DCC: variants seen among roughly 807,000 people sequenced by gnomAD.
The protein encoded by DCC is DCC netrin 1 receptor, also known as netrin receptor DCC.
In DCC, 58 loss-of-function variants were observed where a neutral mutation model predicts 172.5. The ratio of observed to expected loss-of-function variants is 0.34; its 90% CI spans 0.27 to 0.42. DCC has a LOEUF of 0.42. Among genes scored for constraint, DCC ranks in the 10% least tolerant of loss-of-function variants. DCC has a pLI of 1.00. For synonymous variants in DCC, 709 were observed against 644.5 expected, an observed-to-expected ratio of 1.10 and a Z score of -1.52; for missense variants, 1,740 against 1,791.0, an observed-to-expected ratio of 0.97 and a Z score of 0.51.
intron 12 of DCC, among the ~76,000 whole-genome samples, chr18:53,280,852 C>T (rs1434318754): frequency 2.0e-5 from 3 of 151,120 alleles, no homozygotes; most frequent in African/African-American, 7.4e-5. Flanking sequence ...TATGAAATTA[C>T]CATTTTTGTA....
chr18:52,806,569 G>C (rs2038088320), intron 2 of DCC, among the ~76,000 whole-genome samples: 1 of 152,182 alleles, frequency 6.6e-6, no homozygotes, highest in South Asian at 2.1e-4. Flanking sequence ...CAGTCTGTAA[G>C]AGCCAGAACT....
chr18:53,048,163 G>A (rs1227835709), intron 5 of DCC, among the ~76,000 whole-genome samples: 1 of 151,716 alleles, frequency 6.6e-6, no homozygotes, highest in African/African-American at 2.4e-5. Flanking sequence ...GTGCAGGTTT[G>A]TTATGTAGGT....
intron 2 of DCC, among the ~76,000 whole-genome samples, chr18:52,804,990 AT>A (rs202225123): frequency 0.012 from 1,779 of 152,256 alleles, 29 homozygotes; most frequent in African/African-American, 0.041. Context: ...ATCAGGATAG[AT>A]TTTTTTCAAG....
chr18:52,568,958 G>GTA (rs1235147416), intron 1 of DCC, among the ~76,000 whole-genome samples: 5 of 152,126 alleles, frequency 3.3e-5, no homozygotes, highest in African/African-American at 4.8e-5. Context: ...ATATTTGTTT[G>GTA]TATATATATC....
chr18:53,208,962 C>G (rs2055703296), intron 11 of DCC, among the ~76,000 whole-genome samples: 1 of 152,136 alleles, frequency 6.6e-6, no homozygotes, highest in Admixed American at 6.5e-5. Context: ...AACTCCTGAC[C>G]TCAAGTGATC....
intron 7 of DCC, among the ~76,000 whole-genome samples, chr18:53,119,148 G>T (rs535159442): frequency 6.6e-6 from 1 of 151,910 alleles, no homozygotes; most frequent in South Asian, 2.1e-4. Flanking sequence ...TACAAAGTCA[G>T]AGACCAATGC....
At chr18:52,647,788 A>C (rs576262985) in intron 1 of DCC, among the ~76,000 whole-genome samples, 2 of 152,342 alleles carry the variant, frequency 1.3e-5, no homozygotes, top group Non-Finnish European at 2.9e-5. Flanking sequence ...TAACTTATTC[A>C]GTGAAGACTG....
intron 23 of DCC, among the ~76,000 whole-genome samples, chr18:53,452,638 AG>A (rs2045428106): frequency 6.6e-6 from 1 of 152,224 alleles, no homozygotes; most frequent in South Asian, 2.1e-4. Context: ...TTTTAAAAAT[AG>A]GGACCTAATT....
intron 27 of DCC, among the ~76,000 whole-genome samples, chr18:53,513,434 T>TAATG (rs1433201036): frequency 2.0e-5 from 3 of 152,170 alleles, no homozygotes; most frequent in Admixed American, 6.5e-5. Context: ...GCTAACATCA[T>TAATG]AATGACAGGA....
intron 7 of DCC, among the ~76,000 whole-genome samples, chr18:53,118,552 GA>G (rs2043439333): frequency 6.6e-6 from 1 of 151,714 alleles, no homozygotes; most frequent in Non-Finnish European, 1.5e-5. Context: ...AAGAATTCCA[GA>G]AGTGGAATTA....
rs554696842 is a variant in DCC, at chr18:52,448,323, T to C, written c.91+107445T>C. ...GAAAAATTGTCTTCCACGAATTCGG[T>C]CCCTCATGCCAAAAAGGTCAGAGAC... is the stretch of plus-strand genomic sequence containing the variant. On this transcript the variant is annotated intron_variant, in intron 1 of 28. Coordinates refer to ENST00000442544, the MANE Select transcript of DCC (RefSeq NM_005215.4). Among the ~76,000 whole-genome samples the C allele has an allele frequency of 3.9e-5, 6 of 152,256 alleles. No homozygotes were observed. In the South Asian group the frequency reaches 1.2e-3, roughly 32 times the overall value.
At chr18:53,284,058 A>C (rs567626606) in intron 12 of DCC, among the ~76,000 whole-genome samples, 4 of 152,200 alleles carry the variant, frequency 2.6e-5, no homozygotes, top group Non-Finnish European at 5.9e-5. Context: ...AAGACCTTTC[A>C]TAAATTTTAT....
intron 1 of DCC, among the ~76,000 whole-genome samples, chr18:52,471,462 G>C (rs1988943350): frequency 6.6e-6 from 1 of 152,168 alleles, no homozygotes; most frequent in Non-Finnish European, 1.5e-5. Context: ...TCAGCATTTT[G>C]ATTAGACTAA....
At chr18:52,470,557 G>A (rs1331613314) in intron 1 of DCC, among the ~76,000 whole-genome samples, 1 of 152,082 alleles carries the variant, frequency 6.6e-6, no homozygotes, top group Admixed American at 6.6e-5. Context: ...CCCACAGAGA[G>A]GCAGAAGTGG....
chr18:52,538,349 C>T (rs2032343985), intron 1 of DCC, among the ~76,000 whole-genome samples: 1 of 152,140 alleles, frequency 6.6e-6, no homozygotes, highest in Non-Finnish European at 1.5e-5. Context: ...TCCTCCAACC[C>T]ACTGCAATTT....
intron 19 of DCC, among the ~76,000 whole-genome samples, chr18:53,405,227 C>T (rs1224624265): frequency 1.3e-5 from 2 of 149,860 alleles, no homozygotes; most frequent in East Asian, 1.9e-4. Context: ...TTTCTCAGTG[C>T]GACCAGGTAG....
intron 3 of DCC, among the ~76,000 whole-genome samples, chr18:52,909,182 A>G (rs1216021311): frequency 6.6e-6 from 1 of 152,182 alleles, no homozygotes; most frequent in African/African-American, 2.4e-5. Flanking sequence ...TCCTTTATGA[A>G]TCAATTTTCA....
intron 14 of DCC, among the ~76,000 whole-genome samples, chr18:53,322,502 T>C (rs2057423363): frequency 2.6e-5 from 4 of 152,172 alleles, no homozygotes; most frequent in Admixed American, 2.6e-4. Context: ...TAATTTATAA[T>C]AGTAATCATG....
chr18:52,636,423 G>A (rs12608264), intron 1 of DCC, among the ~76,000 whole-genome samples: 9,253 of 152,106 alleles, frequency 0.061, 383 homozygotes, highest in East Asian at 0.17. Flanking sequence ...GCTGGGAGGC[G>A]GATAGCCTGG....
Sources: allele counts gnomAD v4.1 joint callset (sites outside exome capture counted in the v4.1 genomes callset), GRCh38; gene constraint gnomAD v4.1.1; transcripts MANE v1.5; gene names NCBI Gene and HGNC (gene_info 2026-07-23, HGNC 2026-07-21).